CREB3L1: variants seen among roughly 807,000 people sequenced by gnomAD.
CREB3L1 encodes cAMP responsive element binding protein 3 like 1.
In CREB3L1, 33 loss-of-function variants were observed where a neutral mutation model predicts 54.5. The ratio of observed to expected loss-of-function variants is 0.61; its 90% CI spans 0.46 to 0.81. The LOEUF (loss-of-function observed/expected upper bound fraction) is 0.81. Among genes scored for constraint, CREB3L1 ranks in the 30% least tolerant of loss-of-function variants. The pLI is 0.00. For missense variants in CREB3L1, 656 were observed against 673.3 expected (o/e 0.97, Z 0.29); for synonymous variants, 284 against 286.4 (o/e 0.99, Z 0.08).
At chr11:46,306,673 C>G (rs985065876) in intron 2 of CREB3L1, among the ~76,000 whole-genome samples, 3 of 152,144 alleles carry the variant, frequency 2.0e-5, no homozygotes, top group Non-Finnish European at 4.4e-5. Context: ...CTATGCTAAA[C>G]TGCTTGTGAC....
Position 46,321,397 on chromosome 11 carries a change from A to G in CREB3L1, c.*651A>G, listed in dbSNP as rs1939651119. 5.1e-6 allele frequency: 1 copy of G among 196,222 alleles called. No homozygotes were observed. The highest frequency in any genetic ancestry group is 8.0e-5 in the East Asian group (1 of 12,466). The allele number at this position is 196,222 out of a possible 1,614,324, so 12.2% of individuals were successfully genotyped here. On this transcript the variant is annotated 3_prime_UTR_variant, in exon 12 of 12. Coordinates refer to ENST00000621158, the MANE Select transcript of CREB3L1 (RefSeq NM_052854.4). The stretch of plus-strand genomic sequence containing the variant: ...ATGCTTTAAGAAAGCAAAACCAAAA[A>G]AAAAAAAAAAAAGATGCAGCATCAA...
At chr11:46,302,404 A>G (rs1263799754) in intron 2 of CREB3L1, among the ~76,000 whole-genome samples, 2 of 152,110 alleles carry the variant, frequency 1.3e-5, no homozygotes, top group East Asian at 3.9e-4. Context: ...TCAGGTAATC[A>G]GCATTCAAGA....
chr11:46,290,725 A>C (rs912221090), intron 1 of CREB3L1, among the ~76,000 whole-genome samples: 2 of 148,778 alleles, frequency 1.3e-5, no homozygotes, highest in African/African-American at 4.9e-5. Flanking sequence ...CCAGGGAGAG[A>C]TGAAAGAGGA....
At chr11:46,304,482 A>T (rs1312910071) in intron 2 of CREB3L1, among the ~76,000 whole-genome samples, 1 of 152,118 alleles carries the variant, frequency 6.6e-6, no homozygotes, top group Non-Finnish European at 1.5e-5. Context: ...AAAGAAAAAA[A>T]AAATAGAAGC....
rs181231307 is a variant in CREB3L1 at position 46,293,377 on chromosome 11, C to T, written c.103-6558C>T. ...GCCTGGTGCCCACCCCAGGGTTGGACCACAGCGCATGGGCTGCCTGGTAAG... is the reference window on the plus strand; with the variant it reads ...GCCTGGTGCCCACCCCAGGGTTGGATCACAGCGCATGGGCTGCCTGGTAAG... On this transcript the variant is annotated intron_variant, in intron 1 of 11. Transcript: ENST00000621158. 2.0e-5 allele frequency among the ~76,000 whole-genome samples: 3 copies of T among 152,328 alleles called. No individual in the cohort carries two copies. In the East Asian group the frequency reaches 5.8e-4, roughly 29 times the overall value.
In CREB3L1 at chr11:46,309,981, T is replaced by C. The variant is rs1196540353; in HGVS notation, c.517-8T>C. On this transcript the variant is annotated splice_region_variant and splice_polypyrimidine_tract_variant and intron_variant, in intron 3 of 11. Transcript: ENST00000621158. ...CAGCTAATGGAGCTGGGCTTGTCTG[T>C]TCCTCAGGCCCCGGGAGAGATGACT... is the stretch of plus-strand genomic sequence containing the variant. 5 of 1,593,784 alleles carry C rather than the reference T, an allele frequency of 3.1e-6. No individual in the cohort carries two copies. The highest frequency in any genetic ancestry group is 4.3e-6 in the Non-Finnish European group (5 of 1,170,394).
intron 8 of CREB3L1, among the ~76,000 whole-genome samples, chr11:46,314,998 C>T (rs927927506): frequency 2.0e-5 from 3 of 152,140 alleles, no homozygotes; most frequent in African/African-American, 7.2e-5. Context: ...CGTGAGCCAC[C>T]ACACCCCACC....
intron 3 of CREB3L1, among the ~76,000 whole-genome samples, chr11:46,308,613 C>G (rs1939438159): frequency 6.6e-6 from 1 of 152,238 alleles, no homozygotes; most frequent in African/African-American, 2.4e-5. Flanking sequence ...GTTGCACATC[C>G]TCCTTCTCTG....
At chr11:46,308,739 C>G (rs542140415) in intron 3 of CREB3L1, among the ~76,000 whole-genome samples, 2 of 152,344 alleles carry the variant, frequency 1.3e-5, no homozygotes, top group Admixed American at 1.3e-4. Context: ...GCTGGCCACA[C>G]GGCTCACTTG....
chr11:46,307,006 C>T (rs60602051), intron 2 of CREB3L1, among the ~76,000 whole-genome samples: 33,223 of 151,800 alleles, frequency 0.22, 3,944 homozygotes, highest in Middle Eastern at 0.3. Context: ...GCCTCCTGAG[C>T]AGCTGGGACT....
chr11:46,281,726 CGGGAGATTTA>C (rs1566178363), intron 1 of CREB3L1, among the ~76,000 whole-genome samples: 1 of 152,282 alleles, frequency 6.6e-6, no homozygotes, highest in East Asian at 1.9e-4. Context: ...CCCCAGCCTT[CGGGAGATTTA>C]GGGAGATTAG....
chr11:46,320,546 T>C lies in CREB3L1; in HGVS notation c.1523+18T>C. On this transcript the variant is annotated intron_variant, in intron 11 of 11. Coordinates refer to ENST00000621158, the MANE Select transcript of CREB3L1 (RefSeq NM_052854.4). ...CACGACAGGTGGGGTGTGTGGCCCC[T>C]TTCCCTCCTGAGGTCTCAGGCTCCA... 6.4e-7 allele frequency: 1 copy of C among 1,563,038 alleles called. No individual in the cohort carries two copies. Among genetic ancestry groups the C allele is most frequent in the Non-Finnish European group, 8.7e-7 (1 of 1,152,536 alleles).
intron 2 of CREB3L1, among the ~76,000 whole-genome samples, chr11:46,305,710 G>GTC (rs1490264650): frequency 8.5e-6 from 1 of 117,970 alleles, no homozygotes; most frequent in Non-Finnish European, 1.7e-5. Flanking sequence ...GTGTGTGTGT[G>GTC]TGTGTGTGTG....
chr11:46,311,146 C>G lies in CREB3L1; in HGVS notation c.710C>G (p.Ser237Cys), dbSNP rs371335074. The change falls in exon 5 of 12, where the codon TCC (serine) becomes TGC (cysteine). Residue 237 changes from serine to cysteine, a missense_variant. This residue lies in a region of CREB3L1 where 339 missense variants were observed against 331.5 expected (regional missense o/e 1.02). Coordinates refer to ENST00000621158, the MANE Select transcript of CREB3L1 (RefSeq NM_052854.4). ...PSSPVRPMAR[S>C]STAISTSPLL... is the part of the protein sequence containing the mutation. ...AGCCCTGTCAGGCCCATGGCGCGCTCCTCCACGGCCATCTCCACCTCCCCA... is the reference window on the plus strand; with the variant it reads ...AGCCCTGTCAGGCCCATGGCGCGCTGCTCCACGGCCATCTCCACCTCCCCA... 5 of 1,603,142 alleles carry G rather than the reference C, an allele frequency of 3.1e-6. No homozygotes were observed. The highest frequency in any genetic ancestry group is 3.4e-6 in the Non-Finnish European group (4 of 1,178,462).
At chr11:46,294,860 G>T (rs1210141629) in intron 1 of CREB3L1, among the ~76,000 whole-genome samples, 1 of 151,822 alleles carries the variant, frequency 6.6e-6, no homozygotes, top group Non-Finnish European at 1.5e-5. Context: ...GGTGTGGGGG[G>T]GTCTGTGGGC....
At chr11:46,299,867 A>G (rs1249821806) in intron 1 of CREB3L1, 68 bp from the exon 2 acceptor site, 2 of 1,140,426 alleles carry the variant, frequency 1.8e-6, no homozygotes, top group African/African-American at 1.5e-5. Flanking sequence ...GCACCACCAC[A>G]GTAGCACCTG....
chr11:46,288,945 T>G (rs868627357), intron 1 of CREB3L1, among the ~76,000 whole-genome samples: 9 of 152,224 alleles, frequency 5.9e-5, no homozygotes, highest in Admixed American at 5.2e-4. Context: ...CACTTTATCC[T>G]TTGAAGCTTA....
intron 1 of CREB3L1, among the ~76,000 whole-genome samples, chr11:46,287,711 T>C (rs1939074492): frequency 6.6e-6 from 1 of 152,076 alleles, no homozygotes; most frequent in East Asian, 1.9e-4. Flanking sequence ...GGTGCGGTGG[T>C]TCACGCCTGT....
intron 1 of CREB3L1, 78 bp from the exon 2 acceptor site, chr11:46,299,857 G>A (rs1218178510): frequency 9.8e-7 from 1 of 1,024,050 alleles, no homozygotes; most frequent in Non-Finnish European, 1.5e-6. Flanking sequence ...GTGGGGTGCT[G>A]CACCACCACA....
Sources: gnomAD v4.1 joint callset for allele counts (sites outside exome capture counted in the v4.1 genomes callset) on GRCh38, gnomAD v4.1.1 for gene constraint, gnomAD v4.1.1 regional missense constraint, MANE v1.5 for transcripts, NCBI Gene and HGNC (gene_info 2026-07-23, HGNC 2026-07-21) for gene names.